ADAM22: variants seen among roughly 807,000 people sequenced by gnomAD.
ADAM22 encodes disintegrin and metalloproteinase domain-containing protein 22.
Under a neutral mutation model 144.6 loss-of-function variants are expected in ADAM22, and 65 were observed. The observed-to-expected ratio is 0.45, with a 90% CI of 0.37 to 0.55. The LOEUF (loss-of-function observed/expected upper bound fraction) is 0.55, where lower values mean the gene tolerates loss of function less well. Ranked by LOEUF, ADAM22 falls within the 20% of genes least tolerant of loss-of-function variation. The pLI is 0.00. For synonymous variants in ADAM22, 391 were observed against 412.6 expected (o/e 0.95, Z 0.63); for missense variants, 974 against 1,184.9 (o/e 0.82, Z 2.61).
rs192680074 is a variant in ADAM22 at position 88,043,144 on chromosome 7, C to A, written c.324-32482C>A. 4.0e-4 allele frequency among the ~76,000 whole-genome samples: 60 copies of A among 151,794 alleles called. No homozygotes were observed. In the East Asian group the frequency reaches 5.0e-3, roughly 13 times the overall value. ...TGAAACATAGATCTCAGGGAAGTGACTGTTGGAAAAGTAATAATAATGATT... is the reference window on the plus strand; with the variant it reads ...TGAAACATAGATCTCAGGGAAGTGAATGTTGGAAAAGTAATAATAATGATT... On this transcript the variant is annotated intron_variant, in intron 3 of 31. Coordinates refer to ENST00000413139, the MANE Select transcript of ADAM22 (RefSeq NM_001324418.2).
chr7:88,019,740 C>T (rs1797322068), intron 3 of ADAM22, among the ~76,000 whole-genome samples: 1 of 151,542 alleles, frequency 6.6e-6, no homozygotes, highest in East Asian at 1.9e-4. Context: ...ATCCCAGTTA[C>T]TCAGGAGGCT....
At chr7:87,988,950 G>C (rs745991997) in intron 3 of ADAM22, among the ~76,000 whole-genome samples, 27 of 152,176 alleles carry the variant, frequency 1.8e-4, no homozygotes, top group Admixed American at 7.2e-4. Flanking sequence ...AAAAATGGAA[G>C]ATTTTCCCTA....
At chr7:87,946,477 G>T (rs902793036) in intron 2 of ADAM22, among the ~76,000 whole-genome samples, 1 of 152,144 alleles carries the variant, frequency 6.6e-6, no homozygotes, top group Non-Finnish European at 1.5e-5. Flanking sequence ...TGTTCTCTAG[G>T]TATTCTTCTA....
At chr7:88,141,896 C>G (rs1028625689) in intron 14 of ADAM22, among the ~76,000 whole-genome samples, 1 of 152,300 alleles carries the variant, frequency 6.6e-6, no homozygotes, top group African/African-American at 2.4e-5. Context: ...CGTAGCCAAT[C>G]ATTTCCTCAA....
rs183657438 is a variant in ADAM22 at position 88,050,845 on chromosome 7, C to T, written c.324-24781C>T. Among the ~76,000 whole-genome samples the T allele has an allele frequency of 9.8e-4, 150 of 152,316 alleles. 1 individual carries two copies. Among genetic ancestry groups the T allele is most frequent in the African/African-American group, 3.4e-3 (143 of 41,574 alleles). On this transcript the variant is annotated intron_variant, in intron 3 of 31. Transcript: ENST00000413139. ...TCTGATGGTAATTTCTTTTGCTGTG[C>T]AGAAGCTCTTTAGTTTAATTAGATT...
chr7:88,093,193 A>T (rs894597471), intron 4 of ADAM22, among the ~76,000 whole-genome samples: 1 of 151,994 alleles, frequency 6.6e-6, no homozygotes, highest in African/African-American at 2.4e-5. Flanking sequence ...TACTCTTGCA[A>T]TTTTTTTGAA....
intron 1 of ADAM22, 30 bp from the exon 2 acceptor site, chr7:87,934,996 A>G (rs1840863871): frequency 6.2e-7 from 1 of 1,613,050 alleles, no homozygotes; most frequent in Non-Finnish European, 8.5e-7. Flanking sequence ...TTTTCTCTCC[A>G]CTCCCTCCTT....
At chr7:88,129,011 G>A (rs746908826) in intron 9 of ADAM22, among the ~76,000 whole-genome samples, 1 of 151,954 alleles carries the variant, frequency 6.6e-6, no homozygotes, top group Non-Finnish European at 1.5e-5. Flanking sequence ...TATTGAAAAA[G>A]TGAGGCACCA....
At chr7:88,190,571 T>C (rs1849397386) in intron 30 of ADAM22, among the ~76,000 whole-genome samples, 1 of 152,014 alleles carries the variant, frequency 6.6e-6, no homozygotes, top group African/African-American at 2.4e-5. Flanking sequence ...GTAATAATAA[T>C]GGTTGACTTG....
rs542654811 is a variant in ADAM22 at position 88,160,301 on chromosome 7, A to G, written c.1908-2711A>G. Among the ~76,000 whole-genome samples, 19 of 152,308 alleles carry G rather than the reference A, an allele frequency of 1.2e-4. No homozygotes were observed. In the South Asian group the frequency reaches 3.7e-3, roughly 30 times the overall value. ...CATTCCGTGGTTGTGAATCAGAAGA[A>G]TAAATATTATTCAAATGGCCATACT... is the stretch of plus-strand genomic sequence containing the variant. On this transcript the variant is annotated intron_variant, in intron 22 of 31. Coordinates refer to ENST00000413139, the MANE Select transcript of ADAM22 (RefSeq NM_001324418.2).
chr7:88,164,808 C>T (rs894192379), intron 23 of ADAM22, among the ~76,000 whole-genome samples: 1 of 152,092 alleles, frequency 6.6e-6, no homozygotes, highest in Non-Finnish European at 1.5e-5. Flanking sequence ...ATTGTCTGTT[C>T]TTGTCACTAT....
intron 23 of ADAM22, 140 bp downstream of exon 23, chr7:88,163,320 A>G (rs1389962482): frequency 2.1e-5 from 13 of 625,606 alleles, no homozygotes; most frequent in Non-Finnish European, 3.2e-5. Context: ...TAATTCAATT[A>G]TAGTTATTTG....
intron 3 of ADAM22, among the ~76,000 whole-genome samples, chr7:88,052,176 A>G (rs1215867341): frequency 6.6e-6 from 1 of 152,010 alleles, no homozygotes; most frequent in Non-Finnish European, 1.5e-5. Flanking sequence ...CATGAAGAAA[A>G]CAAAGACCTC....
chr7:88,182,956 T>G (rs1169793356), intron 29 of ADAM22, among the ~76,000 whole-genome samples: 3 of 152,214 alleles, frequency 2.0e-5, no homozygotes, highest in African/African-American at 7.2e-5. Flanking sequence ...GAATAGCAGG[T>G]ATTTGTTAAC....
At chr7:88,110,799 G>A in intron 5 of ADAM22, among the ~76,000 whole-genome samples, 1 of 136,108 alleles carries the variant, frequency 7.3e-6, no homozygotes, top group Non-Finnish European at 1.6e-5. Flanking sequence ...CTGAAGTGCA[G>A]TGGTATGATC....
chr7:87,943,186 T>C (rs868241981), intron 2 of ADAM22, among the ~76,000 whole-genome samples: 6 of 149,926 alleles, frequency 4.0e-5, no homozygotes, highest in African/African-American at 1.2e-4. Context: ...ATATATAACT[T>C]TTTTTGTCAT....
At chr7:88,052,235 C>G (rs925946955) in intron 3 of ADAM22, among the ~76,000 whole-genome samples, 1 of 151,580 alleles carries the variant, frequency 6.6e-6, no homozygotes, top group Non-Finnish European at 1.5e-5. Context: ...CGGTGGCTCA[C>G]GCCTGTAATC....
intron 3 of ADAM22, among the ~76,000 whole-genome samples, chr7:88,060,014 C>T (rs1177684521): frequency 6.6e-6 from 1 of 151,978 alleles, no homozygotes; most frequent in Non-Finnish European, 1.5e-5. Context: ...AAAAAAAACC[C>T]CAATACTGTG....
chr7:88,131,616 T>G, intron 11 of ADAM22, 181 bp downstream of exon 11: 1 of 578,610 alleles, frequency 1.7e-6, no homozygotes, highest in Non-Finnish European at 3.0e-6. Context: ...AATGTAAAAG[T>G]TTTAATTTTG....
Sources: allele counts gnomAD v4.1 joint callset (sites outside exome capture counted in the v4.1 genomes callset), GRCh38; gene constraint gnomAD v4.1.1; transcripts MANE v1.5; gene names NCBI Gene and HGNC (gene_info 2026-07-23, HGNC 2026-07-21).